Variants in CP observed in about 807,000 individuals in gnomAD.
CP encodes caeruloplasmin.
CP carries 64 observed loss-of-function variants against 122.4 expected under a neutral mutation model. The ratio of observed to expected loss-of-function variants is 0.52; its 90% CI spans 0.43 to 0.64. The LOEUF (loss-of-function observed/expected upper bound fraction) is 0.64. CP is among the 30% of genes least tolerant of loss of function. The probability of loss-of-function intolerance (pLI) is 0.00; values close to 1 mark genes in which losing one functional copy is unlikely to be tolerated. For missense variants in CP, 1,167 were observed against 1,284.4 expected (o/e 0.91, Z 1.40); for synonymous variants, 440 against 436.4 (o/e 1.01, Z -0.10).
At chr3:149,194,427 C>T (rs563716167) in intron 9 of CP, among the ~76,000 whole-genome samples, 24 of 151,810 alleles carry the variant, frequency 1.6e-4, no homozygotes, top group Non-Finnish European at 3.2e-4. Context: ...TTAGTAGAGA[C>T]GGGGTTTCAC....
At chr3:149,208,069 T>C (rs1727863484) in intron 4 of CP, among the ~76,000 whole-genome samples, 1 of 152,158 alleles carries the variant, frequency 6.6e-6, no homozygotes, top group African/African-American at 2.4e-5. Context: ...CATAAATTTA[T>C]TTTGTAAAAA....
At chr3:149,165,412 GAAAATCTTTGCTATTAAAGGAGC>G (rs1286944084) in intron 5 of CP, among the ~76,000 whole-genome samples, 2 of 152,030 alleles carry the variant, frequency 1.3e-5, no homozygotes, top group African/African-American at 4.8e-5. Flanking sequence ...ATTAAAGGAG[GAAAATCTTTGCTATTAAAGGAGC>G]AAAATCTTTG....
At chr3:149,216,231 A>G (rs1026549962) in intron 1 of CP, among the ~76,000 whole-genome samples, 1 of 152,232 alleles carries the variant, frequency 6.6e-6, no homozygotes, top group Non-Finnish European at 1.5e-5. Context: ...GGCTGGGTTC[A>G]CTGCCTCAGG....
rs1724525602 is a variant in CP, at chr3:149,167,328, T to A, written c.587-1278A>T. On this transcript the variant is annotated intron_variant, in intron 4 of 5. Transcript: ENST00000479771. ...TTCCTTTCCTGCAAAATGGGGACAA[T>A]TTATGCTAATCCAACATCATAAGGC... The A allele has an allele frequency of 5.9e-6, 6 of 1,009,780 alleles. 1 individual carries two copies. In the South Asian group the frequency reaches 8.2e-5, roughly 14 times the overall value. 62.6% of individuals were successfully genotyped at this position (1,009,780 alleles called of 1,614,324 possible). A position where few individuals can be genotyped will look rare whatever the true frequency, so the allele number is the denominator to read the frequency against.
chr3:149,219,475 C>T (rs1728672382), intron 1 of CP, among the ~76,000 whole-genome samples: 1 of 152,198 alleles, frequency 6.6e-6, no homozygotes, highest in South Asian at 2.1e-4. Flanking sequence ...GAATAAGTCT[C>T]ATGAGATCTG....
chr3:149,172,602 T>G lies in CP; in HGVS notation c.*1112A>C, dbSNP rs1457881088. 1.2e-5 allele frequency: 2 copies of G among 162,212 alleles called. No homozygotes were observed. The highest frequency in any genetic ancestry group is 2.7e-5 in the Non-Finnish European group (2 of 73,738). The allele number at this position is 162,212 out of a possible 1,614,324, so 10.0% of individuals were successfully genotyped here. On this transcript the variant is annotated 3_prime_UTR_variant, in exon 19 of 19. Transcript: ENST00000264613. ...ATCCCAAGAACACTTTAAGGAAACA[T>G]TTTACAAGTATGCTTGAAAGAATGT...
At chr3:149,196,800 A>G (rs1005748465) in intron 9 of CP, among the ~76,000 whole-genome samples, 2 of 152,274 alleles carry the variant, frequency 1.3e-5, no homozygotes, top group South Asian at 4.2e-4. Flanking sequence ...TGAATCAAGT[A>G]TTTGTCATTG....
In CP at chr3:149,202,107, A is replaced by G; in HGVS notation, c.1343T>C (p.Ile448Thr). The G allele has an allele frequency of 6.2e-7, 1 of 1,614,044 alleles. No homozygotes were observed. The change falls in exon 7 of 19, where the codon ATC becomes ACC. Residue 448 changes from isoleucine to threonine, a missense_variant. By Grantham distance (89) the Ile-to-Thr change is moderately conservative. Transcript: ENST00000264613. ...TATATTCTGCAAGAACTCACCCAGG[A>G]TGCCAAGATGCTCTTCTTCAGGGCC... is the stretch of plus-strand genomic sequence containing the variant. Reference protein sequence around the residue: ...ERGPEEEHLGILGPVIWAEVG... With the variant: ...ERGPEEEHLGTLGPVIWAEVG...
At chr3:149,216,030 A>T (rs752426441) in intron 1 of CP, among the ~76,000 whole-genome samples, 6 of 152,212 alleles carry the variant, frequency 3.9e-5, no homozygotes, top group Non-Finnish European at 8.8e-5. Flanking sequence ...GAATTCACTC[A>T]AGTGATCTTG....
At chr3:149,171,997 G>A (rs1378847934), downstream of CP, 32 of 1,230,042 alleles carry the variant, frequency 2.6e-5, no homozygotes, top group East Asian at 1.5e-4. Flanking sequence ...GAGCCACCAC[G>A]CCTGGCCTGA....
At chr3:149,179,711 TACACACACACACACACAC>T (rs71304221) in intron 14 of CP, 49 bp from the exon 15 acceptor site, 4 of 608,970 alleles carry the variant, frequency 6.6e-6, no homozygotes, top group African/African-American at 1.9e-5. Flanking sequence ...GTTTATATTG[TACACACACACACACACAC>T]ACACACACAC....
intron 9 of CP, among the ~76,000 whole-genome samples, chr3:149,191,699 GAATCAGTTGGA>G (rs553986156): frequency 6.6e-6 from 1 of 152,084 alleles, no homozygotes; most frequent in African/African-American, 2.4e-5. Context: ...GAACCTATAT[GAATCAGTTGGA>G]AATTATTTGA....
intron 13 of CP, 90 bp downstream of exon 13, chr3:149,183,375 GA>G: frequency 7.2e-7 from 1 of 1,394,094 alleles, no homozygotes; most frequent in Non-Finnish European, 1.0e-6. Context: ...TATGAACCAA[GA>G]AAATGAAACC....
chr3:149,207,795 G>C (rs536506394), intron 4 of CP, among the ~76,000 whole-genome samples, 178 bp from the exon 5 acceptor site: 10 of 152,168 alleles, frequency 6.6e-5, no homozygotes. Flanking sequence ...TTTCATTTTG[G>C]AACTGAATTC....
At chr3:149,175,492 C>T (rs2108208437) in intron 18 of CP, among the ~76,000 whole-genome samples, 1 of 151,716 alleles carries the variant, frequency 6.6e-6, no homozygotes, top group South Asian at 2.1e-4. Flanking sequence ...TCCCTTTTTC[C>T]CCATTTTAGG....
In CP at chr3:149,173,462, T is replaced by C; in HGVS notation, c.*252A>G. On this transcript the variant is annotated 3_prime_UTR_variant, in exon 19 of 19. Transcript: ENST00000264613. ...TTATAAAACCCTAACAGCGGTGATATCATTAGACTGTATGAATCAGTTTTA... is the reference window on the plus strand; with the variant it reads ...TTATAAAACCCTAACAGCGGTGATACCATTAGACTGTATGAATCAGTTTTA... 3.1e-6 allele frequency: 1 copy of C among 318,068 alleles called. No homozygotes were observed. The highest frequency in any genetic ancestry group is 6.3e-5 in the South Asian group (1 of 15,840). The allele number at this position is 318,068 out of a possible 1,614,324, so 19.7% of individuals were successfully genotyped here. A position where few individuals can be genotyped will look rare whatever the true frequency, so the allele number is the denominator to read the frequency against.
chr3:149,216,970 GGCTCACT>G (rs1728497152), intron 1 of CP, among the ~76,000 whole-genome samples: 1 of 147,948 alleles, frequency 6.8e-6, no homozygotes, highest in South Asian at 2.1e-4. Flanking sequence ...GCGTGATCTC[GGCTCACT>G]GCAACCTCCA....
chr3:149,183,703 G>A (rs1363536581), intron 12 of CP, 98 bp from the exon 13 acceptor site: 4 of 851,782 alleles, frequency 4.7e-6, no homozygotes, highest in Admixed American at 2.6e-5. Context: ...GTTTTTATTA[G>A]AGTAATTATA....
At chr3:149,197,034 G>T (rs7632964) in intron 9 of CP, among the ~76,000 whole-genome samples, 14,656 of 151,874 alleles carry the variant, frequency 0.097, 2,332 homozygotes, top group African/African-American at 0.34. Context: ...GGCTCAAAAA[G>T]CACCCCCACT....
Sources: allele counts gnomAD v4.1 joint callset (sites outside exome capture counted in the v4.1 genomes callset), GRCh38; gene constraint gnomAD v4.1.1; transcripts MANE v1.5; gene names NCBI Gene and HGNC (gene_info 2026-07-23, HGNC 2026-07-21).